Variants in WDR72 observed in about 807,000 individuals in gnomAD.
WDR72 encodes the protein WD repeat-containing protein 72.
In WDR72, 120 loss-of-function variants were observed where a neutral mutation model predicts 124.2. The observed-to-expected ratio is 0.97, with a 90% confidence interval of 0.83 to 1.12. The LOEUF is 1.12. Among genes scored for constraint, WDR72 ranks in the 50% most tolerant of loss-of-function variants. WDR72 has a pLI of 0.00. For synonymous variants in WDR72, 452 were observed against 441.7 expected, an observed-to-expected ratio of 1.02 and a Z score of -0.29; for missense variants, 1,387 against 1,278.8, an observed-to-expected ratio of 1.08 and a Z score of -1.29.
At chr15:53,536,998 A>T (rs4468550) in intron 18 of WDR72, among the ~76,000 whole-genome samples, 84,309 of 152,012 alleles carry the variant, frequency 0.55, 25,548 homozygotes, top group East Asian at 0.86. Flanking sequence ...AGAAGGAAGA[A>T]TTGTACTGAG....
chr15:53,751,238 T>TAC (rs1378791481), intron 1 of WDR72, among the ~76,000 whole-genome samples: 2 of 145,748 alleles, frequency 1.4e-5, no homozygotes, highest in African/African-American at 4.9e-5. Context: ...GTGAGACTAC[T>TAC]TTAAAAAAAA....
intron 2 of WDR72, among the ~76,000 whole-genome samples, chr15:53,728,786 T>C (rs2018117116): frequency 1.3e-5 from 2 of 152,154 alleles, no homozygotes; most frequent in African/African-American, 4.8e-5. Flanking sequence ...TCCTCACTGG[T>C]AGACTTCACA....
intron 14 of WDR72, among the ~76,000 whole-genome samples, chr15:53,623,103 C>T (rs1353030533): frequency 6.6e-6 from 1 of 152,020 alleles, no homozygotes; most frequent in Admixed American, 6.6e-5. Context: ...ATATTGTATA[C>T]TATACGGGTT....
chr15:53,561,852 A>C (rs1277908972), intron 18 of WDR72, among the ~76,000 whole-genome samples: 1 of 151,836 alleles, frequency 6.6e-6, no homozygotes, highest in Non-Finnish European at 1.5e-5. Flanking sequence ...AAAGCTCCCC[A>C]GGTAATTCAA....
chr15:53,583,591 T>G (rs879387235), intron 18 of WDR72, among the ~76,000 whole-genome samples: 1 of 152,072 alleles, frequency 6.6e-6, no homozygotes, highest in Non-Finnish European at 1.5e-5. Context: ...ACATTTCTTT[T>G]TCTTCTAGCA....
chr15:53,700,048 C>T (rs956803039), intron 12 of WDR72, 103 bp from the exon 13 acceptor site: 10 of 1,326,394 alleles, frequency 7.5e-6, no homozygotes, highest in Non-Finnish European at 1.1e-5. Flanking sequence ...TTTGTTAAAG[C>T]CCCATTTACA....
At chr15:53,623,507 A>C (rs1269822167) in intron 14 of WDR72, among the ~76,000 whole-genome samples, 2 of 151,604 alleles carry the variant, frequency 1.3e-5, no homozygotes, top group Non-Finnish European at 2.9e-5. Flanking sequence ...ACACATACAC[A>C]TACACATACA....
At chr15:53,715,141 T>C (rs2140558206) in intron 5 of WDR72, 52 bp downstream of exon 5, 15 of 1,583,566 alleles carry the variant, frequency 9.5e-6, no homozygotes, top group East Asian at 2.3e-5. Context: ...AATTCAAAAG[T>C]AGATATTTTT....
At chr15:53,694,500 C>T (rs891197696) in intron 13 of WDR72, among the ~76,000 whole-genome samples, 1 of 152,176 alleles carries the variant, frequency 6.6e-6, no homozygotes, top group African/African-American at 2.4e-5. Context: ...GCCAGAGACC[C>T]TCTCCTTTAG....
chr15:53,747,657 A>G (rs1321385125), intron 1 of WDR72, among the ~76,000 whole-genome samples: 1 of 152,184 alleles, frequency 6.6e-6, no homozygotes, highest in African/African-American at 2.4e-5. Context: ...CTTGTGAGTC[A>G]AAGATTTTCA....
chr15:53,579,235 C>G (rs977245332), intron 18 of WDR72, among the ~76,000 whole-genome samples: 1 of 152,146 alleles, frequency 6.6e-6, no homozygotes, highest in East Asian at 1.9e-4. Flanking sequence ...AGAGAGTTAA[C>G]ACAAACAGAC....
At chr15:53,639,856 G>A (rs1164803883) in intron 14 of WDR72, among the ~76,000 whole-genome samples, 3 of 151,894 alleles carry the variant, frequency 2.0e-5, no homozygotes, top group Non-Finnish European at 4.4e-5. Flanking sequence ...TGCCTTCCTT[G>A]GAGTTCCCAT....
intron 2 of WDR72, among the ~76,000 whole-genome samples, chr15:53,728,559 A>T (rs1036931139): frequency 3.9e-5 from 6 of 152,192 alleles, no homozygotes; most frequent in Non-Finnish European, 8.8e-5. Context: ...CTGGCACTTG[A>T]CTAAGATCTC....
chr15:53,609,543 T>A lies in WDR72; in HGVS notation c.2922A>T (p.Leu974=). The A allele has an allele frequency of 6.2e-7, 1 of 1,613,534 alleles. No individual in the cohort carries two copies. The highest frequency in any genetic ancestry group is 8.5e-7 in the Non-Finnish European group (1 of 1,179,658). The change falls in exon 17 of 20, where the codon CTA becomes CTT. Residue 974 remains leucine (L), a synonymous_variant. Coordinates refer to ENST00000360509, the MANE Select transcript of WDR72 (RefSeq NM_182758.4). Reference sequence around the variant, plus strand: ...CAGACTGGTCTCTCCAACAGGAAATTAGCTTCAAAAGTGAAAGGTCAGCCT... The same window carrying A: ...CAGACTGGTCTCTCCAACAGGAAATAAGCTTCAAAAGTGAAAGGTCAGCCT... ...VPEADLSLLK[L]ISCWRDQSVQ...
chr15:53,655,112 T>C (rs950347705), intron 14 of WDR72, among the ~76,000 whole-genome samples: 37 of 151,236 alleles, frequency 2.4e-4, no homozygotes, highest in African/African-American at 9.0e-4. Flanking sequence ...ACACCTGTAA[T>C]CCCAACTACC....
chr15:53,643,724 GTGTA>G (rs1567000578), intron 14 of WDR72, among the ~76,000 whole-genome samples: 1 of 148,122 alleles, frequency 6.8e-6, no homozygotes, highest in East Asian at 1.9e-4. Flanking sequence ...TGAAACGTGC[GTGTA>G]TGTATCTGTG....
At chr15:53,590,881 G>A (rs2012458947) in intron 18 of WDR72, among the ~76,000 whole-genome samples, 1 of 151,980 alleles carries the variant, frequency 6.6e-6, no homozygotes, top group South Asian at 2.1e-4. Flanking sequence ...AAGGCTAAGG[G>A]TTAGGAAAAG....
At chr15:53,666,533 TTCTG>T (rs1309250423) in intron 13 of WDR72, among the ~76,000 whole-genome samples, 9 of 152,184 alleles carry the variant, frequency 5.9e-5, no homozygotes, top group African/African-American at 1.9e-4. Flanking sequence ...ATTAATCATG[TTCTG>T]TCTCTTATGA....
At chr15:53,719,155 C>T (rs896026632) in intron 3 of WDR72, among the ~76,000 whole-genome samples, 17 of 152,120 alleles carry the variant, frequency 1.1e-4, no homozygotes, top group Admixed American at 7.9e-4. Context: ...TTTGATCAAA[C>T]TTTAATGAAG....
Sources: gnomAD v4.1 joint callset for allele counts (sites outside exome capture counted in the v4.1 genomes callset) on GRCh38, gnomAD v4.1.1 for gene constraint, MANE v1.5 for transcripts, NCBI Gene and HGNC (gene_info 2026-07-23, HGNC 2026-07-21) for gene names.